Variants in CDIP1 observed in about 807,000 individuals in gnomAD.
CDIP1 encodes cell death inducing p53 target 1.
Under a neutral mutation model 17.7 loss-of-function variants are expected in CDIP1, and 9 were observed. That is an observed-to-expected ratio of 0.51 (90% CI 0.31 to 0.89). The LOEUF is 0.89. Among genes scored for constraint, CDIP1 ranks in the 40% least tolerant of loss-of-function variants. CDIP1 has a pLI of 0.05. For synonymous variants in CDIP1, 117 were observed against 109.5 expected (o/e 1.07, Z -0.43); for missense variants, 263 against 277.9 (o/e 0.95, Z 0.38).
chr16:4,520,975 T>C (rs1337995548), intron 1 of CDIP1, among the ~76,000 whole-genome samples: 4 of 152,158 alleles, frequency 2.6e-5, no homozygotes, highest in Non-Finnish European at 5.9e-5. Context: ...CAAACTCCAT[T>C]TGACATACTT....
chr16:4,513,017 G>A lies in CDIP1; in HGVS notation c.289C>T (p.Pro97Ser), dbSNP rs754299097. 5.6e-6 allele frequency: 9 copies of A among 1,593,326 alleles called. No individual in the cohort carries two copies. The highest frequency in any genetic ancestry group is 7.7e-6 in the Non-Finnish European group (9 of 1,171,922). ...GPHPPMGYYP[P>S]GPYTPGPYPG... Reference sequence around the variant, plus strand: ...TAGGGCCCTGGCGTGTAGGGCCCTGGGGGGTAGTAGCCCATGGGTGGGTGG... The same window carrying A: ...TAGGGCCCTGGCGTGTAGGGCCCTGAGGGGTAGTAGCCCATGGGTGGGTGG... The change falls in exon 5 of 6, where the codon CCA (proline) becomes TCA (serine). Residue 97 changes from proline to serine, a missense_variant. By Grantham distance (74) the Pro-to-Ser change is moderately conservative. Coordinates refer to ENST00000567695, the MANE Select transcript of CDIP1 (RefSeq NM_013399.3). This position sits in a 1 kb window ranked among gnomAD's most constrained non-coding sequence, Gnocchi z 4.1.
chr16:4,537,760 G>C (rs1432671401), intron 1 of CDIP1, among the ~76,000 whole-genome samples: 2 of 152,220 alleles, frequency 1.3e-5, no homozygotes, highest in African/African-American at 2.4e-5. Flanking sequence ...AGAGGATCTT[G>C]AGCCCACCTT....
At chr16:4,515,335 T>A (rs1329514518) in intron 1 of CDIP1, among the ~76,000 whole-genome samples, 1 of 152,094 alleles carries the variant, frequency 6.6e-6, no homozygotes, top group African/African-American at 2.4e-5. Context: ...TAAAGTACCA[T>A]GGAAGTTTGA....
chr16:4,533,836 C>G (rs1009688669), intron 1 of CDIP1, among the ~76,000 whole-genome samples: 2 of 152,168 alleles, frequency 1.3e-5, no homozygotes, highest in African/African-American at 4.8e-5. Flanking sequence ...TATCTCCCCT[C>G]AAGAATCCTG....
At chr16:4,534,211 A>C (rs1201890579) in intron 1 of CDIP1, among the ~76,000 whole-genome samples, 1 of 101,188 alleles carries the variant, frequency 9.9e-6, no homozygotes. Flanking sequence ...TCAGCCTCCC[A>C]AAGTGCTGGG....
chr16:4,519,329 C>T (rs768415278), intron 1 of CDIP1, among the ~76,000 whole-genome samples: 2 of 152,218 alleles, frequency 1.3e-5, no homozygotes, highest in African/African-American at 4.8e-5. Flanking sequence ...ACCAGGTGGA[C>T]GTCTTCTAGT....
chr16:4,519,851 G>C (rs748815693), intron 1 of CDIP1, among the ~76,000 whole-genome samples: 1 of 152,028 alleles, frequency 6.6e-6, no homozygotes, highest in Non-Finnish European at 1.5e-5. Context: ...CTTCCACCAT[G>C]AATGGAAGCA....
At chr16:4,518,523 C>A (rs2058911478) in intron 1 of CDIP1, among the ~76,000 whole-genome samples, 1 of 152,186 alleles carries the variant, frequency 6.6e-6, no homozygotes, top group Admixed American at 6.5e-5. Flanking sequence ...CACCTAGGGC[C>A]ATGCCTGCTA....
chr16:4,530,019 C>A (rs539899710), intron 1 of CDIP1, among the ~76,000 whole-genome samples: 1 of 152,348 alleles, frequency 6.6e-6, no homozygotes, highest in East Asian at 1.9e-4. Context: ...ATGTGTCAGT[C>A]ACCATACATA....
chr16:4,531,557 TG>T (rs1462597675), intron 1 of CDIP1, among the ~76,000 whole-genome samples: 1 of 152,166 alleles, frequency 6.6e-6, no homozygotes, highest in Non-Finnish European at 1.5e-5. Context: ...TAAGCACCCA[TG>T]GAAGACAGGT....
chr16:4,534,925 T>C (rs1567425299), intron 1 of CDIP1, among the ~76,000 whole-genome samples: 1 of 151,782 alleles, frequency 6.6e-6, no homozygotes. Flanking sequence ...TCCATGTTGG[T>C]CAGGCTGGTC....
In CDIP1 at chr16:4,514,148, G is replaced by C; in HGVS notation, c.-14-4C>G. 6.7e-7 allele frequency: 1 copy of C among 1,502,530 alleles called. No individual in the cohort carries two copies. Among genetic ancestry groups the C allele is most frequent in the Non-Finnish European group, 8.9e-7 (1 of 1,122,680 alleles). 93.1% of individuals were successfully genotyped at this position (1,502,530 alleles called of 1,614,324 possible). Reference sequence around the variant, plus strand: ...CTGGACATCTTCGCTGCTTCTCCTGGACATGGAGGGAAAACCCAGACATGA... The same window carrying C: ...CTGGACATCTTCGCTGCTTCTCCTGCACATGGAGGGAAAACCCAGACATGA... On this transcript the variant is annotated splice_polypyrimidine_tract_variant and splice_region_variant and intron_variant, in intron 2 of 5. Transcript: ENST00000567695. The surrounding 1 kb of genome is among the most constrained non-coding windows in gnomAD (Gnocchi z 5.2).
intron 1 of CDIP1, chr16:4,536,903 G>C (rs2059113023): frequency 6.6e-6 from 1 of 152,086 alleles, no homozygotes; most frequent in African/African-American, 2.4e-5. Context: ...CTGCACTCCA[G>C]CCTGGGCCAC....
intron 1 of CDIP1, among the ~76,000 whole-genome samples, chr16:4,518,542 T>TC (rs1172459420): frequency 1.3e-5 from 2 of 152,024 alleles, no homozygotes; most frequent in African/African-American, 2.4e-5. Flanking sequence ...TACTCACTGC[T>TC]CCCCCTCACC....
intron 1 of CDIP1, among the ~76,000 whole-genome samples, chr16:4,522,201 G>A (rs1317161231): frequency 6.6e-6 from 1 of 152,222 alleles, no homozygotes; most frequent in Non-Finnish European, 1.5e-5. Flanking sequence ...ACAACTCTTT[G>A]AGAAGGCAGA....
intron 1 of CDIP1, among the ~76,000 whole-genome samples, chr16:4,529,276 C>T (rs1033428661): frequency 6.6e-6 from 1 of 152,196 alleles, no homozygotes; most frequent in South Asian, 2.1e-4. Flanking sequence ...GCCTAGGAGA[C>T]CCCGCCAGGA....
intron 1 of CDIP1, chr16:4,538,315 C>G (rs1032469519): frequency 6.6e-6 from 1 of 152,464 alleles, no homozygotes; most frequent in South Asian, 2.1e-4. Context: ...AACCGCCGGC[C>G]CCGCTTTACC....
chr16:4,514,275 T>A lies in CDIP1; in HGVS notation c.-14-131A>T. On this transcript the variant is annotated intron_variant, in intron 2 of 5. Coordinates refer to ENST00000567695, the MANE Select transcript of CDIP1 (RefSeq NM_013399.3). This position sits in a 1 kb window ranked among gnomAD's most constrained non-coding sequence, Gnocchi z 5.2. ...CTCAGAAGGGTCTGCCTCCAGGCAC[T>A]GGGGATCCCCCACCTTTCCCAGGGC... 1 of 579,816 alleles carries A rather than the reference T, an allele frequency of 1.7e-6. No homozygotes were observed. Among genetic ancestry groups the A allele is most frequent in the Non-Finnish European group, 3.0e-6 (1 of 330,040 alleles). The allele number at this position is 579,816 out of a possible 1,614,324, so 35.9% of individuals were successfully genotyped here.
intron 1 of CDIP1, chr16:4,522,592 A>C (rs1285922405): frequency 6.6e-6 from 1 of 152,250 alleles, no homozygotes; most frequent in Non-Finnish European, 1.5e-5. Context: ...GGAGGTGCCC[A>C]CTGCTCCATG....
Sources: gnomAD v4.1 joint callset for allele counts (sites outside exome capture counted in the v4.1 genomes callset) on GRCh38, gnomAD v4.1.1 for gene constraint, Gnocchi (gnomAD v3.1) non-coding constraint, MANE v1.5 for transcripts, NCBI Gene and HGNC (gene_info 2026-07-23, HGNC 2026-07-21) for gene names.